COL25A1: variants seen among roughly 807,000 people sequenced by gnomAD.
COL25A1 encodes the protein collagen type XXV alpha 1 chain.
Under a neutral mutation model 128.4 loss-of-function variants are expected in COL25A1, and 103 were observed. The observed-to-expected ratio is 0.80, with a 90% CI of 0.68 to 0.94. The LOEUF (loss-of-function observed/expected upper bound fraction) is 0.94. Among genes scored for constraint, COL25A1 ranks in the 40% least tolerant of loss-of-function variants. The probability of loss-of-function intolerance (pLI) is 0.00; values close to 1 mark genes in which losing one functional copy is unlikely to be tolerated. For missense variants in COL25A1, 745 were observed against 840.0 expected, an observed-to-expected ratio of 0.89 and a Z score of 1.40; for synonymous variants, 279 against 277.2, an observed-to-expected ratio of 1.01 and a Z score of -0.06.
chr4:109,032,522 G>C (rs747786302), intron 5 of COL25A1, among the ~76,000 whole-genome samples: 6 of 152,172 alleles, frequency 3.9e-5, no homozygotes, highest in Non-Finnish European at 7.4e-5. Flanking sequence ...GGCTCAAGTT[G>C]TGAAAACTAG....
At chr4:109,152,569 C>CAAAACAA (rs1416502272) in intron 3 of COL25A1, among the ~76,000 whole-genome samples, 2 of 151,958 alleles carry the variant, frequency 1.3e-5, no homozygotes, top group East Asian at 1.9e-4. Context: ...ATTTAAAAAA[C>CAAAACAA]AAAACAGATA....
chr4:109,240,954 G>T (rs1245595627), intron 3 of COL25A1, among the ~76,000 whole-genome samples: 1 of 151,788 alleles, frequency 6.6e-6, no homozygotes, highest in Non-Finnish European at 1.5e-5. Flanking sequence ...TTTTTTGAGG[G>T]TATTTATTTG....
In COL25A1 at chr4:109,097,662, AT is replaced by A. The variant is rs780098779; in HGVS notation, c.368-47484del. On this transcript the variant is annotated intron_variant, in intron 3 of 37. Transcript: ENST00000399132. ...ATTATGTTATCTTAGGTAAACATCAATTTTTTTTTTTTTTTTTTTGAGACAG... is the reference window on the plus strand; with the variant it reads ...ATTATGTTATCTTAGGTAAACATCAATTTTTTTTTTTTTTTTTTGAGACAG... 6.9e-3 allele frequency among the ~76,000 whole-genome samples: 857 copies of A among 124,614 alleles called. 3 individuals are homozygous for A. The highest frequency in any genetic ancestry group is 0.015 in the African/African-American group (478 of 32,150). The allele number at this position is 124,614 out of a possible 152,430, so 81.8% of individuals were successfully genotyped here.
At chr4:108,865,156 G>A (rs1182733596) in intron 20 of COL25A1, among the ~76,000 whole-genome samples, 1 of 152,126 alleles carries the variant, frequency 6.6e-6, no homozygotes. Context: ...ATAAGGGGTA[G>A]AATTTCAATC....
chr4:109,027,270 T>C (rs1031772537), intron 5 of COL25A1, among the ~76,000 whole-genome samples: 1 of 151,774 alleles, frequency 6.6e-6, no homozygotes, highest in East Asian at 1.9e-4. Flanking sequence ...TTTTACAGGG[T>C]GGTCATGGGG....
intron 5 of COL25A1, among the ~76,000 whole-genome samples, chr4:109,035,036 A>AT (rs1355446936): frequency 6.6e-6 from 1 of 152,212 alleles, no homozygotes; most frequent in African/African-American, 2.4e-5. Context: ...GTAGGATACC[A>AT]TTTTTGGTAT....
rs531625131 is a variant in COL25A1, at chr4:109,032,543, C to G, written c.420+15625G>C. Among the ~76,000 whole-genome samples the G allele has an allele frequency of 2.0e-5, 3 of 152,312 alleles. No individual in the cohort carries two copies. In the South Asian group the frequency reaches 6.2e-4, roughly 32 times the overall value. ...AGTTGTGAAAACTAGTTAAAGTCCT[C>G]ACTTCGCACTGCAATAAAATGTTTT... On this transcript the variant is annotated intron_variant, in intron 5 of 37. Coordinates refer to ENST00000399132, the MANE Select transcript of COL25A1 (RefSeq NM_198721.4).
intron 32 of COL25A1, among the ~76,000 whole-genome samples, chr4:108,829,784 G>C (rs993800869): frequency 2.6e-4 from 40 of 152,178 alleles, no homozygotes; most frequent in African/African-American, 9.4e-4. Context: ...TCTCTTGCCA[G>C]TGACTGCCTC....
intron 3 of COL25A1, among the ~76,000 whole-genome samples, chr4:109,170,518 A>G (rs894171360): frequency 6.6e-6 from 1 of 152,146 alleles, no homozygotes; most frequent in Non-Finnish European, 1.5e-5. Context: ...CAAATAAACA[A>G]AAAACCTGGC....
At chr4:109,195,338 T>A (rs1266640563) in intron 3 of COL25A1, among the ~76,000 whole-genome samples, 1 of 152,186 alleles carries the variant, frequency 6.6e-6, no homozygotes. Flanking sequence ...ATGATTTTTA[T>A]TTCATTGAAA....
chr4:108,977,707 G>A (rs920864384), intron 6 of COL25A1, among the ~76,000 whole-genome samples: 2 of 152,126 alleles, frequency 1.3e-5, no homozygotes, highest in African/African-American at 4.8e-5. Context: ...TATATGTTTG[G>A]GAAAGGCTGA....
intron 3 of COL25A1, among the ~76,000 whole-genome samples, chr4:109,266,104 A>G (rs1444571001): frequency 6.6e-6 from 1 of 152,208 alleles, no homozygotes; most frequent in Non-Finnish European, 1.5e-5. Context: ...AATAAGACAT[A>G]GCTAACTTCT....
intron 20 of COL25A1, among the ~76,000 whole-genome samples, chr4:108,864,678 T>C (rs1406154378): frequency 6.6e-6 from 1 of 152,194 alleles, no homozygotes; most frequent in Non-Finnish European, 1.5e-5. Context: ...TCTATTATTG[T>C]GGATTGGATC....
At chr4:108,871,449 G>A (rs1460716610) in intron 19 of COL25A1, among the ~76,000 whole-genome samples, 2 of 151,988 alleles carry the variant, frequency 1.3e-5, no homozygotes, top group Non-Finnish European at 2.9e-5. Context: ...CCGAGTAGCT[G>A]GGACTACAGG....
At chr4:109,125,023 C>A (rs1768458725) in intron 3 of COL25A1, among the ~76,000 whole-genome samples, 1 of 151,918 alleles carries the variant, frequency 6.6e-6, no homozygotes, top group Admixed American at 6.6e-5. Context: ...CAAAACCCCC[C>A]CACACTTTTC....
chr4:108,873,533 A>AGTG (rs1380324979), intron 19 of COL25A1, among the ~76,000 whole-genome samples: 1 of 111,818 alleles, frequency 8.9e-6, no homozygotes, highest in African/African-American at 2.9e-5. Flanking sequence ...TAGTAGTAGT[A>AGTG]GTAGTAGTAG....
In COL25A1 at chr4:109,172,685, T is replaced by C. The variant is rs186381413; in HGVS notation, c.368-122506A>G. Among the ~76,000 whole-genome samples the C allele has an allele frequency of 3.3e-3, 509 of 152,348 alleles. 6 individuals are homozygous for C. The highest frequency in any genetic ancestry group is 2.3e-3 in the Non-Finnish European group (156 of 68,038). ...TGAAATCCCTTTCTGAGGCCAAAAT[T>C]TGAAAGTTTCTGTAATGCAATTCAG... is the stretch of plus-strand genomic sequence containing the variant. On this transcript the variant is annotated intron_variant, in intron 3 of 37. Coordinates refer to ENST00000399132, the MANE Select transcript of COL25A1 (RefSeq NM_198721.4).
Position 108,958,970 on chromosome 4 carries a change from C to T in COL25A1, c.492+15397G>A, listed in dbSNP as rs569549311. Among the ~76,000 whole-genome samples the T allele has an allele frequency of 1.1e-4, 16 of 152,042 alleles. No individual in the cohort carries two copies. The East Asian group carries it at 2.7e-3, about 26-fold the overall frequency. On this transcript the variant is annotated intron_variant, in intron 8 of 37. Transcript: ENST00000399132. ...ATTATGTTAAAGGCACTATTATAGC[C>T]TTTTTTTCTAGAAAGTAAATGATTC...
At chr4:109,046,887 G>A (rs1300557761) in intron 5 of COL25A1, among the ~76,000 whole-genome samples, 2 of 152,140 alleles carry the variant, frequency 1.3e-5, no homozygotes, top group Non-Finnish European at 2.9e-5. Context: ...CATTGCTACC[G>A]TAAATGCACA....
Sources: allele counts gnomAD v4.1 joint callset (sites outside exome capture counted in the v4.1 genomes callset), GRCh38; gene constraint gnomAD v4.1.1; transcripts MANE v1.5; gene names NCBI Gene and HGNC (gene_info 2026-07-23, HGNC 2026-07-21).